The following PRPF4 variants were observed in gnomAD, a reference collection of about 807,000 sequenced individuals.
PRPF4 encodes the protein U4/U6 small nuclear ribonucleoprotein Prp4.
In PRPF4, 14 loss-of-function variants were observed where a neutral mutation model predicts 72.2. The ratio of observed to expected loss-of-function variants is 0.19; its 90% confidence interval spans 0.13 to 0.30. PRPF4 has a LOEUF of 0.30. PRPF4 is among the 10% of genes least tolerant of loss of function. PRPF4 has a pLI of 1.00. For missense variants in PRPF4, 478 were observed against 653.9 expected, an observed-to-expected ratio of 0.73 and a Z score of 2.93; for synonymous variants, 225 against 232.2, an observed-to-expected ratio of 0.97 and a Z score of 0.28.
chr9:113,284,972 G>A (rs1832392035), intron 7 of PRPF4, among the ~76,000 whole-genome samples: 2 of 152,086 alleles, frequency 1.3e-5, no homozygotes, highest in African/African-American at 2.4e-5. Context: ...TATCTAATGA[G>A]AAAGGAAACT....
At chr9:113,290,227 G>GAA (rs368444718) in intron 10 of PRPF4, among the ~76,000 whole-genome samples, 15 of 136,366 alleles carry the variant, frequency 1.1e-4, no homozygotes, top group Non-Finnish European at 2.1e-4. Context: ...CTCAAAAGAA[G>GAA]AAAAAAAAAA....
intron 13 of PRPF4, 61 bp from the exon 14 acceptor site, chr9:113,291,406 T>A: frequency 6.7e-7 from 1 of 1,494,824 alleles, no homozygotes; most frequent in Non-Finnish European, 9.1e-7. Flanking sequence ...ACTTTTGTGC[T>A]TTTGTCTTCT....
chr9:113,284,437 T>G (rs376738420), intron 7 of PRPF4, 48 bp downstream of exon 7: 1 of 1,486,038 alleles, frequency 6.7e-7, no homozygotes, highest in Non-Finnish European at 9.4e-7. Context: ...GGGAACAGGC[T>G]CAGGAAGAAA....
chr9:113,277,301 C>T (rs950089311), intron 2 of PRPF4, among the ~76,000 whole-genome samples: 1 of 152,132 alleles, frequency 6.6e-6, no homozygotes. Flanking sequence ...TAACATAGTT[C>T]TGGCATTGGT....
At chr9:113,276,768 T>C (rs1458916238) in intron 2 of PRPF4, 43 bp downstream of exon 2, 35 of 1,542,794 alleles carry the variant, frequency 2.3e-5, no homozygotes, top group Non-Finnish European at 3.1e-5. Context: ...CTTTGTGTAA[T>C]GAATACCTTT....
chr9:113,287,688 T>C lies in PRPF4; in HGVS notation c.933-487T>C, dbSNP rs567384835. Among the ~76,000 whole-genome samples, 6 of 152,362 alleles carry C rather than the reference T, an allele frequency of 3.9e-5. No individual in the cohort carries two copies. In the East Asian group the frequency reaches 1.2e-3, roughly 29 times the overall value. Reference sequence around the variant, plus strand: ...TTGGCTTTGGTAATACTTAGCAATGTTTATTCCCCTTGGGCTTTGGCTTGT... The same window carrying C: ...TTGGCTTTGGTAATACTTAGCAATGCTTATTCCCCTTGGGCTTTGGCTTGT... On this transcript the variant is annotated intron_variant, in intron 9 of 13. Coordinates refer to ENST00000374198, the MANE Select transcript of PRPF4 (RefSeq NM_001244926.2).
At chr9:113,284,520 TGTCA>T in intron 7 of PRPF4, 131 bp downstream of exon 7, 3 of 735,362 alleles carry the variant, frequency 4.1e-6, no homozygotes, top group South Asian at 3.2e-5. Context: ...AAACTACAGA[TGTCA>T]GTCAGTGCTC....
chr9:113,276,967 A>G (rs1832125000), intron 2 of PRPF4, among the ~76,000 whole-genome samples: 1 of 151,912 alleles, frequency 6.6e-6, no homozygotes, highest in South Asian at 2.1e-4. Context: ...GGCGCACACC[A>G]CCACGCCCGG....
intron 3 of PRPF4, among the ~76,000 whole-genome samples, chr9:113,281,248 T>C (rs1042429091): frequency 6.6e-6 from 1 of 152,236 alleles, no homozygotes; most frequent in Non-Finnish European, 1.5e-5. Context: ...AAGAAGCCTT[T>C]CGTCACACCT....
intron 9 of PRPF4, among the ~76,000 whole-genome samples, chr9:113,287,508 A>G (rs1003843981): frequency 4.6e-5 from 7 of 151,752 alleles, no homozygotes; most frequent in African/African-American, 1.7e-4. Flanking sequence ...CTTCGGAAGC[A>G]CCCTGTTGGC....
Position 113,286,375 on chromosome 9 carries a change from C to CA in PRPF4, c.808+86dup. 2.4e-6 allele frequency: 3 copies of CA among 1,230,214 alleles called. 1 individual carries two copies. In the South Asian group the frequency reaches 3.6e-5, roughly 15 times the overall value. The allele number at this position is 1,230,214 out of a possible 1,614,324, so 76.2% of individuals were successfully genotyped here. ...TAAACTCTGCTTGACACTCAGACCC[C>CA]ATACACACAGCATTAATCCTTGATT... On this transcript the variant is annotated intron_variant, in intron 8 of 13. Transcript: ENST00000374198.
chr9:113,280,661 T>C (rs1832250064), intron 3 of PRPF4, among the ~76,000 whole-genome samples: 1 of 152,198 alleles, frequency 6.6e-6, no homozygotes, highest in Admixed American at 6.5e-5. Context: ...TGTCTTCTCA[T>C]ACTTGGAGTA....
chr9:113,284,329 A>G lies in PRPF4; in HGVS notation c.689A>G (p.Asp230Gly). 1.2e-6 allele frequency: 2 copies of G among 1,613,284 alleles called. No homozygotes were observed. The highest frequency in any genetic ancestry group is 1.7e-6 in the Non-Finnish European group (2 of 1,179,264). ...AATTTTTGCAGTCAGATTGGGGATG[A>G]TCGGCCTATCTCCTACTGTCACTTT... is the stretch of plus-strand genomic sequence containing the variant. ...LNNFCSQIGD[D>G]RPISYCHFSP... The change falls in exon 7 of 14, where the codon GAT becomes GGT. Residue 230 changes from aspartate to glycine, a missense_variant. By Grantham distance (94) the Asp-to-Gly change is moderately conservative. Transcript: ENST00000374198.
intron 9 of PRPF4, 151 bp from the exon 10 acceptor site, chr9:113,288,024 T>C (rs1471286945): frequency 3.3e-6 from 2 of 614,424 alleles, no homozygotes; most frequent in East Asian, 2.9e-5. Flanking sequence ...GCAGAATGAC[T>C]ATTTTGCTTA....
chr9:113,275,875 T>C lies in PRPF4; in HGVS notation c.27+105T>C, dbSNP rs1832075866. Reference sequence around the variant, plus strand: ...GGAGCGGGAGAAGGCGGTGGAGGGCTGAGGAGGAAGGCTGCGGGACTCAGC... The same window carrying C: ...GGAGCGGGAGAAGGCGGTGGAGGGCCGAGGAGGAAGGCTGCGGGACTCAGC... On this transcript the variant is annotated intron_variant, in intron 1 of 13. Coordinates refer to ENST00000374198, the MANE Select transcript of PRPF4 (RefSeq NM_001244926.2). 11 of 1,480,850 alleles carry C rather than the reference T, an allele frequency of 7.4e-6. No individual in the cohort carries two copies. In the African/African-American group the frequency reaches 8.4e-5, roughly 11 times the overall value. 91.7% of individuals were successfully genotyped at this position (1,480,850 alleles called of 1,614,324 possible).
intron 1 of PRPF4, 141 bp downstream of exon 1, chr9:113,275,911 A>G (rs1275540590): frequency 1.8e-6 from 2 of 1,116,902 alleles, no homozygotes; most frequent in Non-Finnish European, 2.5e-6. Flanking sequence ...GGTGTCCTAC[A>G]CAGCGGACCA....
chr9:113,276,855 G>C, intron 2 of PRPF4, 130 bp downstream of exon 2: 1 of 1,067,474 alleles, frequency 9.4e-7, no homozygotes. Flanking sequence ...TCGCTCTGTC[G>C]CCAGGCTGGA....
chr9:113,292,667 C>G lies in PRPF4; in HGVS notation c.*1007C>G, dbSNP rs561682674. 6.6e-6 allele frequency: 1 copy of G among 152,144 alleles called. No homozygotes were observed. Among genetic ancestry groups the G allele is most frequent in the South Asian group, 2.1e-4 (1 of 4,834 alleles). 9.4% of individuals were successfully genotyped at this position (152,144 alleles called of 1,614,324 possible). On this transcript the variant is annotated 3_prime_UTR_variant, in exon 14 of 14. Coordinates refer to ENST00000374198, the MANE Select transcript of PRPF4 (RefSeq NM_001244926.2). ...AAAGCAAAACCATTGTGTCAGGAGT[C>G]AAACAAATGTTTAGAAAGCAAACAT...
rs773109736 is a variant in PRPF4 at position 113,276,605 on chromosome 9, A to C, written c.85A>C (p.Ile29Leu). Residue 29 changes from isoleucine (I) to leucine (L), a missense_variant, in exon 2 of 14, where the codon ATC (isoleucine) becomes CTC (leucine). Physicochemically the swap from Ile to Leu is conservative, Grantham distance 5. Coordinates refer to ENST00000374198, the MANE Select transcript of PRPF4 (RefSeq NM_001244926.2). ...LVAPVVKKPHIYYGSLEEKER... is the reference protein window; with the variant it reads ...LVAPVVKKPHLYYGSLEEKER... ...TGCTCCGGTCGTGAAGAAACCACACATCTATTATGGAAGTTTGGAAGAGAA... is the reference window on the plus strand; with the variant it reads ...TGCTCCGGTCGTGAAGAAACCACACCTCTATTATGGAAGTTTGGAAGAGAA... 31 of 1,614,016 alleles carry C rather than the reference A, an allele frequency of 1.9e-5. No homozygotes were observed. The highest frequency in any genetic ancestry group is 2.5e-5 in the Non-Finnish European group (29 of 1,180,036).
Sources: allele counts gnomAD v4.1 joint callset (sites outside exome capture counted in the v4.1 genomes callset), GRCh38; gene constraint gnomAD v4.1.1; transcripts MANE v1.5; gene names NCBI Gene and HGNC (gene_info 2026-07-23, HGNC 2026-07-21).